GNG5: variants seen among roughly 807,000 people sequenced by gnomAD.
GNG5 encodes the protein guanine nucleotide-binding protein G(I)/G(S)/G(O) subunit gamma-5.
A neutral mutation model predicts 6.2 loss-of-function variants in GNG5; 2 were observed. The observed-to-expected ratio is 0.32, with a 90% confidence interval of 0.13 to 1.01. The LOEUF is 1.01. Among genes scored for constraint, GNG5 ranks in the 50% least tolerant of loss-of-function variants. GNG5 has a pLI of 0.48. For missense variants in GNG5, 57 were observed against 80.2 expected (o/e 0.71, Z 1.10); for synonymous variants, 24 against 33.0 (o/e 0.73, Z 0.93).
chr1:84,500,029 T>A (rs563806614), intron 3 of GNG5, among the ~76,000 whole-genome samples: 1 of 152,122 alleles, frequency 6.6e-6, no homozygotes, highest in African/African-American at 2.4e-5. Flanking sequence ...GAGGCAGAGG[T>A]TGCAGTGAGC....
At chr1:84,504,474 T>C (rs1015692788) in intron 2 of GNG5, among the ~76,000 whole-genome samples, 3 of 152,204 alleles carry the variant, frequency 2.0e-5, no homozygotes, top group Non-Finnish European at 4.4e-5. Flanking sequence ...TTGGAGTATT[T>C]TAGCCTGAGA....
At chr1:84,499,747 CTATTT>C (rs1682017259) in intron 3 of GNG5, among the ~76,000 whole-genome samples, 1 of 152,004 alleles carries the variant, frequency 6.6e-6, no homozygotes, top group East Asian at 1.9e-4. Flanking sequence ...CTGTGTTATT[CTATTT>C]TGTTTTGTGT....
In GNG5 at chr1:84,501,696, A is replaced by C. The variant is rs1312244064; in HGVS notation, c.*19+130T>G. ...TTTCATGAATCCTCACTTTCCTTGC[A>C]AAACAGAAAAATACTGGAAATGGAG... On this transcript the variant is annotated intron_variant, in intron 3 of 3. Transcript: ENST00000370645. The C allele has an allele frequency of 1.5e-5, 9 of 615,336 alleles. No individual in the cohort carries two copies. The Admixed American group carries it at 1.5e-4, about 10-fold the overall frequency. The allele number at this position is 615,336 out of a possible 1,614,324, so 38.1% of individuals were successfully genotyped here.
chr1:84,502,079 C>T, intron 2 of GNG5, 109 bp from the exon 3 acceptor site: 1 of 679,604 alleles, frequency 1.5e-6, no homozygotes, highest in Non-Finnish European at 2.5e-6. Flanking sequence ...ACTTCTCTTG[C>T]TTCAAAAGAA....
Position 84,506,311 on chromosome 1 carries a change from G to C in GNG5, c.-210-10C>G, listed in dbSNP as rs1479748454. 2.4e-6 allele frequency: 1 copy of C among 409,762 alleles called. No homozygotes were observed. The highest frequency in any genetic ancestry group is 4.4e-6 in the Non-Finnish European group (1 of 228,522). 25.4% of individuals were successfully genotyped at this position (409,762 alleles called of 1,614,324 possible). On this transcript the variant is annotated splice_polypyrimidine_tract_variant and intron_variant, in intron 1 of 3. Coordinates refer to ENST00000370645, the MANE Select transcript of GNG5 (RefSeq NM_005274.3). ...GGCCCCGAGCGCGAGCCTGGAGGAGGGGGAGGAGAAGGGGCGGAGCAGTCG... is the reference window on the plus strand; with the variant it reads ...GGCCCCGAGCGCGAGCCTGGAGGAGCGGGAGGAGAAGGGGCGGAGCAGTCG...
chr1:84,499,844 G>A (rs773959518), intron 3 of GNG5, among the ~76,000 whole-genome samples: 7 of 152,126 alleles, frequency 4.6e-5, no homozygotes, highest in Non-Finnish European at 8.8e-5. Context: ...GGCCGGGCAC[G>A]GTGGCTCACG....
chr1:84,502,053 C>G (rs1682067621), intron 2 of GNG5, 83 bp from the exon 3 acceptor site: 7 of 1,000,888 alleles, frequency 7.0e-6, no homozygotes, highest in Non-Finnish European at 1.1e-5. Flanking sequence ...AAATATTGTA[C>G]TTACAATAAA....
chr1:84,502,112 C>A, intron 2 of GNG5, 142 bp from the exon 3 acceptor site: 10 of 374,130 alleles, frequency 2.7e-5, no homozygotes, highest in Admixed American at 4.3e-5. Context: ...TAATTGAAGA[C>A]TTAAGTCAAA....
intron 2 of GNG5, among the ~76,000 whole-genome samples, chr1:84,505,086 T>C (rs1682145781): frequency 6.6e-6 from 1 of 152,230 alleles, no homozygotes; most frequent in South Asian, 2.1e-4. Flanking sequence ...TTTACATTCT[T>C]GTTTCTTTTT....
chr1:84,503,682 A>G (rs904307710), intron 2 of GNG5: 4 of 152,212 alleles, frequency 2.6e-5, no homozygotes, highest in African/African-American at 4.8e-5. Context: ...GTGGGGTCCA[A>G]TGTAACTCGC....
chr1:84,505,680 G>C (rs907581524), intron 2 of GNG5, among the ~76,000 whole-genome samples: 2 of 152,260 alleles, frequency 1.3e-5, no homozygotes, highest in African/African-American at 4.8e-5. Flanking sequence ...GCGCGGAGGC[G>C]CAGCTGTTGG....
Position 84,506,142 on chromosome 1 carries a change from G to T in GNG5, c.-51C>A. On this transcript the variant is annotated 5_prime_UTR_variant, in exon 2 of 4. Transcript: ENST00000370645. ...CGTGGGTCGGTGGGTCGTGGGCCGT[G>T]GGTCGGCGGGGCCAGACAACTCAGC... 4 of 1,486,600 alleles carry T rather than the reference G, an allele frequency of 2.7e-6. No individual in the cohort carries two copies. The highest frequency in any genetic ancestry group is 1.2e-5 in the South Asian group (1 of 82,358). 92.1% of individuals were successfully genotyped at this position (1,486,600 alleles called of 1,614,324 possible).
intron 2 of GNG5, 68 bp downstream of exon 2, chr1:84,505,929 CGCCCGCCCCCGCCA>C: frequency 1.0e-6 from 1 of 997,248 alleles, no homozygotes; most frequent in South Asian, 2.4e-5. Flanking sequence ...GCGCGTGTCC[CGCCCGCCCCCGCCA>C]GCTGGGCCGC....
chr1:84,505,322 G>A (rs1682156244), intron 2 of GNG5, among the ~76,000 whole-genome samples: 1 of 152,068 alleles, frequency 6.6e-6, no homozygotes, highest in Admixed American at 6.5e-5. Context: ...CATTTTCTCC[G>A]GCATGCGGAC....
chr1:84,499,741 G>A (rs7555773), intron 3 of GNG5, among the ~76,000 whole-genome samples: 24,993 of 152,016 alleles, frequency 0.16, 2,823 homozygotes, highest in African/African-American at 0.32. Flanking sequence ...TTAATCCTGT[G>A]TTATTCTATT....
chr1:84,505,722 T>A (rs922307734), intron 2 of GNG5, among the ~76,000 whole-genome samples: 2 of 150,930 alleles, frequency 1.3e-5, no homozygotes, highest in African/African-American at 4.9e-5. Context: ...CCAAGGGAGG[T>A]AGAGACGGAG....
chr1:84,501,985 G>A lies in GNG5; in HGVS notation c.82-15C>T, dbSNP rs1682066001. Reference sequence around the variant, plus strand: ...GCCTGGGAAACCTATACATAACAAAGAGGGGGGGAAGTGCCAGATGGTGAG... The same window carrying A: ...GCCTGGGAAACCTATACATAACAAAAAGGGGGGGAAGTGCCAGATGGTGAG... On this transcript the variant is annotated splice_polypyrimidine_tract_variant and intron_variant, in intron 2 of 3. Transcript: ENST00000370645. 6.2e-7 allele frequency: 1 copy of A among 1,605,036 alleles called. No homozygotes were observed. The highest frequency in any genetic ancestry group is 1.3e-5 in the African/African-American group (1 of 74,828).
chr1:84,506,074 G>A lies in GNG5; in HGVS notation c.18C>T (p.Ser6=). 2 of 1,577,000 alleles carry A rather than the reference G, an allele frequency of 1.3e-6. No homozygotes were observed. Among genetic ancestry groups the A allele is most frequent in the Non-Finnish European group, 1.7e-6 (2 of 1,163,512 alleles). ...GAACCACTTTCTTCATAGCGGCGAC[G>A]CTGGAGGAGCCAGACATGGTGCACG... MSGSS[S]VAAMKKVVQQ... Residue 6 remains serine (S), a synonymous_variant, in exon 2 of 4, where the codon AGC becomes AGT. Coordinates refer to ENST00000370645, the MANE Select transcript of GNG5 (RefSeq NM_005274.3).
chr1:84,505,926 TC>T, intron 2 of GNG5, 84 bp downstream of exon 2: 1 of 968,742 alleles, frequency 1.0e-6, no homozygotes, highest in Non-Finnish European at 1.4e-6. Context: ...CCGGCGCGTG[TC>T]CCGCCCGCCC....
Sources: gnomAD v4.1 joint callset for allele counts (sites outside exome capture counted in the v4.1 genomes callset) on GRCh38, gnomAD v4.1.1 for gene constraint, MANE v1.5 for transcripts, NCBI Gene and HGNC (gene_info 2026-07-23, HGNC 2026-07-21) for gene names.